BIRC3: variants seen among roughly 807,000 people sequenced by gnomAD.
The protein encoded by BIRC3 is baculoviral IAP repeat containing 3.
A neutral mutation model predicts 59.0 loss-of-function variants in BIRC3; 26 were observed. That is an observed-to-expected ratio of 0.44 (90% CI 0.32 to 0.61). The LOEUF (loss-of-function observed/expected upper bound fraction) is 0.61, where lower values mean the gene tolerates loss of function less well. Among genes scored for constraint, BIRC3 ranks in the 20% least tolerant of loss-of-function variants. BIRC3 has a pLI of 0.04. For synonymous variants in BIRC3, 243 were observed against 249.2 expected (o/e 0.98, Z 0.24); for missense variants, 641 against 711.5 (o/e 0.90, Z 1.13).
Position 102,324,477 on chromosome 11 carries a change from G to A in BIRC3, c.-33G>A, listed in dbSNP as rs1485877150. The A allele has an allele frequency of 1.9e-6, 3 of 1,571,396 alleles. No homozygotes were observed. The highest frequency in any genetic ancestry group is 2.6e-6 in the Non-Finnish European group (3 of 1,159,316). ...GCACAAAACTACCTCCCTAGAGAAA[G>A]GCTAGTCCCTTTTCTTCCCCATTCA... On this transcript the variant is annotated 5_prime_UTR_variant, in exon 2 of 9. Coordinates refer to ENST00000263464, the MANE Select transcript of BIRC3 (RefSeq NM_001165.5).
At position 102,323,452 on chromosome 11, in the gene BIRC3, A is replaced by G. The variant is rs1249879459; in HGVS notation, c.-1058A>G. The G allele has an allele frequency of 1.1e-5, 2 of 188,814 alleles. No homozygotes were observed. The highest frequency in any genetic ancestry group is 2.2e-5 in the Non-Finnish European group (2 of 89,810). The allele number at this position is 188,814 out of a possible 1,614,324, so 11.7% of individuals were successfully genotyped here. A position where few individuals can be genotyped will look rare whatever the true frequency, so the allele number is the denominator to read the frequency against. On this transcript the variant is annotated 5_prime_UTR_variant, in exon 2 of 9. Transcript: ENST00000263464. ...TACTATTAGAATAAAAAAACTTAACATTGAGTTGCTTCAACAGCATGAAAC... is the reference window on the plus strand; with the variant it reads ...TACTATTAGAATAAAAAAACTTAACGTTGAGTTGCTTCAACAGCATGAAAC...
At chr11:102,329,287 G>C (rs1050354283) in intron 5 of BIRC3, among the ~76,000 whole-genome samples, 1 of 152,130 alleles carries the variant, frequency 6.6e-6, no homozygotes, top group Non-Finnish European at 1.5e-5. Context: ...TATGATATTA[G>C]ATTGCTCACA....
intron 6 of BIRC3, among the ~76,000 whole-genome samples, chr11:102,335,668 G>C (rs1478751704): frequency 4.6e-5 from 7 of 151,884 alleles, no homozygotes; most frequent in African/African-American, 1.2e-4. Context: ...ATTTTTTTAA[G>C]ACAGGGTATT....
chr11:102,327,834 T>A (rs945348119), intron 3 of BIRC3, among the ~76,000 whole-genome samples: 2 of 152,224 alleles, frequency 1.3e-5, no homozygotes, highest in African/African-American at 4.8e-5. Context: ...AGTTTTTTTT[T>A]TAAAAGCAAT....
chr11:102,332,424 G>A (rs991740063), intron 6 of BIRC3, among the ~76,000 whole-genome samples: 4 of 152,092 alleles, frequency 2.6e-5, no homozygotes, highest in African/African-American at 9.7e-5. Context: ...TAGTGCCCCC[G>A]GGCTCATCCT....
chr11:102,333,322 G>T (rs1951163758), intron 6 of BIRC3, among the ~76,000 whole-genome samples: 1 of 152,050 alleles, frequency 6.6e-6, no homozygotes. Context: ...CAGCACTTTG[G>T]GAGGCTGAGG....
chr11:102,319,019 A>G (rs1951002824), intron 1 of BIRC3, among the ~76,000 whole-genome samples: 1 of 150,472 alleles, frequency 6.6e-6, no homozygotes. Context: ...TAGTTGCTAG[A>G]GTGGAAAGTG....
At chr11:102,325,953 T>C (rs1380384278) in intron 3 of BIRC3, among the ~76,000 whole-genome samples, 1 of 152,104 alleles carries the variant, frequency 6.6e-6, no homozygotes. Context: ...ATGTATATGA[T>C]ACATATACAT....
rs753848514 is a variant in BIRC3 at position 102,328,891 on chromosome 11, C to G, written c.1033-6C>G. ...ATATATATATATATATTTTTTTTTT[C>G]TGCAGCTGCTATCCACATCAGACAG... On this transcript the variant is annotated splice_polypyrimidine_tract_variant and splice_region_variant and intron_variant, in intron 4 of 8. Coordinates refer to ENST00000263464, the MANE Select transcript of BIRC3 (RefSeq NM_001165.5). 6 of 1,111,044 alleles carry G rather than the reference C, an allele frequency of 5.4e-6. No homozygotes were observed. The highest frequency in any genetic ancestry group is 6.9e-6 in the Non-Finnish European group (6 of 866,804). 68.8% of individuals were successfully genotyped at this position (1,111,044 alleles called of 1,614,324 possible).
intron 3 of BIRC3, among the ~76,000 whole-genome samples, chr11:102,327,283 G>A (rs1008952619): frequency 6.6e-6 from 1 of 152,094 alleles, no homozygotes. Context: ...ACTTGAAATA[G>A]CCAGTCTACA....
At chr11:102,318,467 C>T (rs1287509421) in intron 1 of BIRC3, among the ~76,000 whole-genome samples, 6 of 152,194 alleles carry the variant, frequency 3.9e-5, no homozygotes, top group Admixed American at 3.3e-4. Flanking sequence ...GGGAAGTCTT[C>T]GTGTCTACCC....
rs200507322 is a variant in BIRC3, at chr11:102,327,825, GT to G, written c.954-217del. ...ACTATGGGTTAGTTTTAGAAAAAAA[GT>G]TTTTTTTTTAAAAGCAATACAATAG... is the stretch of plus-strand genomic sequence containing the variant. On this transcript the variant is annotated intron_variant, in intron 3 of 8. Transcript: ENST00000263464. 4.0e-4 allele frequency among the ~76,000 whole-genome samples: 60 copies of G among 149,494 alleles called. No individual in the cohort carries two copies. In the South Asian group the frequency reaches 4.2e-3, roughly 11 times the overall value.
intron 6 of BIRC3, among the ~76,000 whole-genome samples, chr11:102,332,411 T>G (rs529883638): frequency 6.6e-6 from 1 of 152,286 alleles, no homozygotes; most frequent in Non-Finnish European, 1.5e-5. Flanking sequence ...CTGTGACCTC[T>G]CTTAGTGCCC....
chr11:102,320,949 G>A (rs1374906504), intron 1 of BIRC3, among the ~76,000 whole-genome samples: 1 of 152,218 alleles, frequency 6.6e-6, no homozygotes, highest in Non-Finnish European at 1.5e-5. Flanking sequence ...TATAGGCCCA[G>A]TGTTGCTAGA....
chr11:102,335,820 G>GAGACACCCCTA, intron 6 of BIRC3, 146 bp from the exon 7 acceptor site: 1 of 733,966 alleles, frequency 1.4e-6, no homozygotes, highest in African/African-American at 1.8e-5. Context: ...CAAAGGAGAT[G>GAGACACCCCTA]AGACACCCCT....
intron 5 of BIRC3, 125 bp from the exon 6 acceptor site, chr11:102,330,874 T>C (rs1487992067): frequency 3.2e-6 from 3 of 938,294 alleles, no homozygotes; most frequent in Admixed American, 3.2e-5. Flanking sequence ...ATAATGCCTA[T>C]ACATTTTGTT....
Position 102,337,905 on chromosome 11 carries a change from T to C in BIRC3, c.*803T>C, listed in dbSNP as rs11225217. On this transcript the variant is annotated 3_prime_UTR_variant, in exon 9 of 9. Transcript: ENST00000263464. ...GGTCAACACATCATAAAATCTATTA[T>C]GGAATGCCTGAGACAAGAATCAAAC... The C allele has an allele frequency of 2.6e-5, 6 of 227,912 alleles. No homozygotes were observed. The highest frequency in any genetic ancestry group is 3.5e-5 in the Non-Finnish European group (4 of 114,874). 14.1% of individuals were successfully genotyped at this position (227,912 alleles called of 1,614,324 possible). A position where few individuals can be genotyped will look rare whatever the true frequency, so the allele number is the denominator to read the frequency against.
At chr11:102,321,181 T>C (rs1326981898) in intron 1 of BIRC3, among the ~76,000 whole-genome samples, 1 of 152,240 alleles carries the variant, frequency 6.6e-6, no homozygotes, top group East Asian at 1.9e-4. Context: ...TTAGGTAAGA[T>C]GTTAGCTTTG....
chr11:102,324,713 T>C lies in BIRC3; in HGVS notation c.204T>C (p.Cys68=). 1 of 1,614,204 alleles carries C rather than the reference T, an allele frequency of 6.2e-7. No homozygotes were observed. Among genetic ancestry groups the C allele is most frequent in the South Asian group, 1.1e-5 (1 of 91,078 alleles). The change falls in exon 2 of 9, where the codon TGT becomes TGC. Residue 68 remains cysteine, a synonymous_variant. Coordinates refer to ENST00000263464, the MANE Select transcript of BIRC3 (RefSeq NM_001165.5). ...TGVNDKVKCF[C]CGLMLDNWKR... is the part of the protein sequence containing the mutation. ...TGAATGACAAGGTCAAATGCTTCTG[T>C]TGTGGCCTGATGCTGGATAACTGGA...
Sources: gnomAD v4.1 joint callset for allele counts (sites outside exome capture counted in the v4.1 genomes callset) on GRCh38, gnomAD v4.1.1 for gene constraint, MANE v1.5 for transcripts, NCBI Gene and HGNC (gene_info 2026-07-23, HGNC 2026-07-21) for gene names.